The following IFT172 variants were observed in gnomAD, a reference collection of about 807,000 sequenced individuals.
The protein encoded by IFT172 is intraflagellar transport 172.
IFT172 carries 164 observed loss-of-function variants against 248.9 expected under a neutral mutation model. That is an observed-to-expected ratio of 0.66 (90% CI 0.58 to 0.75). IFT172 has a LOEUF of 0.75. Among genes scored for constraint, IFT172 ranks in the 30% least tolerant of loss-of-function variants. IFT172 has a pLI of 0.00. For missense variants in IFT172, 1,950 were observed against 2,192.4 expected, an observed-to-expected ratio of 0.89 and a Z score of 2.21; for synonymous variants, 729 against 791.6, an observed-to-expected ratio of 0.92 and a Z score of 1.33.
At position 27,459,535 on chromosome 2, in the gene IFT172, G is replaced by T; in HGVS notation, c.2643-13C>A. On this transcript the variant is annotated splice_polypyrimidine_tract_variant and intron_variant, in intron 24 of 47. Transcript: ENST00000260570. ...CTTAATGGAGCACCTGGCAAAGTTG[G>T]GAAAGATATAAATATGTAGGATGAA... 6.2e-7 allele frequency: 1 copy of T among 1,613,802 alleles called. No homozygotes were observed.
rs1333735469 is a variant in IFT172 at position 27,454,156 on chromosome 2, G to A, written c.3537C>T (p.Val1179=). The A allele has an allele frequency of 1.2e-6, 2 of 1,611,900 alleles. No homozygotes were observed. The highest frequency in any genetic ancestry group is 1.7e-6 in the Non-Finnish European group (2 of 1,178,826). Residue 1179 remains valine (V), a synonymous_variant, in exon 33 of 48, where the codon GTC becomes GTT. Coordinates refer to ENST00000260570, the MANE Select transcript of IFT172 (RefSeq NM_015662.3). The surrounding 1 kb of genome is among the most constrained non-coding windows in gnomAD (Gnocchi z 4.2). ...GAGCTGCCTCCCAATCCTGGTTATG[G>A]ACAAACCTGCCTCCAGGTGGGGACA... ...GKPKEAVLMF[V]HNQDWEAAQR...
intron 18 of IFT172, among the ~76,000 whole-genome samples, chr2:27,463,783 G>A (rs185104185): frequency 1.5e-4 from 23 of 152,128 alleles, no homozygotes; most frequent in Admixed American, 1.2e-3. Flanking sequence ...CCTGGAGAGC[G>A]AACAGCTAGT....
In IFT172 at chr2:27,445,723, T is replaced by A; in HGVS notation, c.4914+22A>T. ...CACTCACACTGGTGAGGCCTTCCGG[T>A]TTTCCAACCCTGTGCCCTTACCGGT... On this transcript the variant is annotated intron_variant, in intron 45 of 47. Transcript: ENST00000260570. The surrounding 1 kb of genome is among the most constrained non-coding windows in gnomAD (Gnocchi z 4.4). 1.2e-6 allele frequency: 2 copies of A among 1,613,866 alleles called. No homozygotes were observed. Among genetic ancestry groups the A allele is most frequent in the Non-Finnish European group, 1.7e-6 (2 of 1,179,830 alleles).
chr2:27,467,590 G>A (rs1490036193), intron 16 of IFT172, among the ~76,000 whole-genome samples: 8 of 119,242 alleles, frequency 6.7e-5, no homozygotes, highest in African/African-American at 2.0e-4. Context: ...CCAGCATGGC[G>A]CAACAGAATG....
chr2:27,479,796 G>A lies in IFT172; in HGVS notation c.910-192C>T, dbSNP rs79593977. Among the ~76,000 whole-genome samples the A allele has an allele frequency of 4.8e-3, 734 of 152,314 alleles. 2 individuals carry two copies. The highest frequency in any genetic ancestry group is 9.1e-3 in the Non-Finnish European group (621 of 68,018). ...GGACTCAAGGGCACAACATATTAATGGGATAAAAGGGAAAAACTAGCCCTG... is the reference window on the plus strand; with the variant it reads ...GGACTCAAGGGCACAACATATTAATAGGATAAAAGGGAAAAACTAGCCCTG... On this transcript the variant is annotated intron_variant, in intron 9 of 47. Transcript: ENST00000260570.
At chr2:27,449,078 G>T in intron 39 of IFT172, 47 bp from the exon 40 acceptor site, 2 of 1,214,568 alleles carry the variant, frequency 1.6e-6, no homozygotes, top group South Asian at 1.2e-5. Flanking sequence ...GGATCGGCAA[G>T]ACCAAGCAGT....
intron 30 of IFT172, chr2:27,455,376 TC>T: frequency 3.5e-6 from 1 of 281,806 alleles, no homozygotes; most frequent in African/African-American, 2.3e-5. Context: ...TGTAGAGTGA[TC>T]AGCCCCAGAT....
At chr2:27,478,988 C>T (rs1271090511) in intron 10 of IFT172, among the ~76,000 whole-genome samples, 1 of 152,124 alleles carries the variant, frequency 6.6e-6, no homozygotes, top group Non-Finnish European at 1.5e-5. Flanking sequence ...CTCTGCACAC[C>T]TTATGCCTGG....
In IFT172 at chr2:27,445,192, A is replaced by G; in HGVS notation, c.5069-87T>C. 1 of 1,592,096 alleles carries G rather than the reference A, an allele frequency of 6.3e-7. No individual in the cohort carries two copies. The highest frequency in any genetic ancestry group is 1.3e-5 in the African/African-American group (1 of 74,352). On this transcript the variant is annotated intron_variant, in intron 46 of 47. Coordinates refer to ENST00000260570, the MANE Select transcript of IFT172 (RefSeq NM_015662.3). This position sits in a 1 kb window ranked among gnomAD's most constrained non-coding sequence, Gnocchi z 4.4. ...GAGCAGCCTGGGGGGTAGAAAGCACAGTCCTGTCTTTTGTACCCTTTACTG... is the reference window on the plus strand; with the variant it reads ...GAGCAGCCTGGGGGGTAGAAAGCACGGTCCTGTCTTTTGTACCCTTTACTG...
chr2:27,462,964 AC>A (rs1352290293), intron 19 of IFT172, 132 bp downstream of exon 19: 1 of 1,171,780 alleles, frequency 8.5e-7, no homozygotes, highest in Non-Finnish European at 1.2e-6. Flanking sequence ...AAATGGTCTG[AC>A]TTGAGGGTAA....
At chr2:27,446,220 C>G (rs1312780995) in intron 43 of IFT172, 40 bp downstream of exon 43, 2 of 1,592,348 alleles carry the variant, frequency 1.3e-6, no homozygotes, top group Non-Finnish European at 1.7e-6. Context: ...CAACCTTTAA[C>G]TTCCTCCTAT....
rs1279591885 is a variant in IFT172 at position 27,465,680 on chromosome 2, C to G, written c.1829+66G>C. ...AGTGCTGGCCAGTTTTACACCCCAC[C>G]CCAGGTCCTCCCCTCTCAGAACCAG... On this transcript the variant is annotated intron_variant, in intron 17 of 47. Transcript: ENST00000260570. 15 of 1,603,988 alleles carry G rather than the reference C, an allele frequency of 9.4e-6. No individual in the cohort carries two copies. The East Asian group carries it at 2.9e-4, about 31-fold the overall frequency.
chr2:27,447,625 G>C lies in IFT172; in HGVS notation c.4549C>G (p.Leu1517Val). Reference protein sequence around the residue: ...RDVLFNLCENLVKSSEANSPA... With the variant: ...RDVLFNLCENVVKSSEANSPA... ...GAGTTTGCCTCACTGGACTTCACCA[G>C]GTTTTCACACTAGAGGAGGGAGACA... The change falls in exon 42 of 48, where the codon CTG (leucine) becomes GTG (valine). Residue 1517 changes from leucine to valine, a missense_variant. By Grantham distance (32) the Leu-to-Val change is conservative. This residue lies in a region of IFT172 where 620 missense variants were observed against 699.0 expected (regional missense o/e 0.89). Coordinates refer to ENST00000260570, the MANE Select transcript of IFT172 (RefSeq NM_015662.3). 6.2e-7 allele frequency: 1 copy of C among 1,614,170 alleles called. No individual in the cohort carries two copies. Among genetic ancestry groups the C allele is most frequent in the Non-Finnish European group, 8.5e-7 (1 of 1,180,030 alleles).
At chr2:27,446,769 G>A (rs1325253081) in intron 42 of IFT172, among the ~76,000 whole-genome samples, 3 of 133,796 alleles carry the variant, frequency 2.2e-5, no homozygotes, top group Non-Finnish European at 3.1e-5. Flanking sequence ...GCGCAATCTC[G>A]GCTCACTGCA....
chr2:27,465,593 G>A, intron 17 of IFT172, 75 bp from the exon 18 acceptor site: 1 of 1,540,068 alleles, frequency 6.5e-7, no homozygotes, highest in Non-Finnish European at 9.0e-7. Context: ...TGGTGATGGG[G>A]CAAGGGGAGG....
chr2:27,483,909 G>A lies in IFT172; in HGVS notation c.365C>T (p.Ala122Val). The A allele has an allele frequency of 1.2e-6, 2 of 1,613,872 alleles. No individual in the cohort carries two copies. Among genetic ancestry groups the A allele is most frequent in the Non-Finnish European group, 1.7e-6 (2 of 1,179,856 alleles). ...TSAVTCLQWP[A>V]EYIIVFGLAE... ...CAGTCCAAAGACAATGATGTATTCTGCCGGCCATTGCAGACAAGTGACAGC... is the reference window on the plus strand; with the variant it reads ...CAGTCCAAAGACAATGATGTATTCTACCGGCCATTGCAGACAAGTGACAGC... Residue 122 changes from alanine to valine, a missense_variant, in exon 5 of 48, where the codon GCA becomes GTA. By Grantham distance (64) the Ala-to-Val change is moderately conservative. Transcript: ENST00000260570.
At chr2:27,485,616 T>G in intron 1 of IFT172, 113 bp from the exon 2 acceptor site, 1 of 1,265,898 alleles carries the variant, frequency 7.9e-7, no homozygotes, top group Non-Finnish European at 1.1e-6. Flanking sequence ...CTGTCACGGT[T>G]CTATCCTCAA....
chr2:27,472,084 T>C, intron 15 of IFT172, 166 bp downstream of exon 15: 1 of 619,454 alleles, frequency 1.6e-6, no homozygotes, highest in Middle Eastern at 4.4e-4. Context: ...TTGCTATCAG[T>C]TTTGGTATCA....
At chr2:27,457,592 G>A (rs754702210) in intron 29 of IFT172, 47 bp downstream of exon 29, 5 of 1,519,866 alleles carry the variant, frequency 3.3e-6, no homozygotes, top group South Asian at 1.1e-5. Context: ...GGAAAAACGT[G>A]GGAAAGAAGG....
Sources: gnomAD v4.1 joint callset for allele counts (sites outside exome capture counted in the v4.1 genomes callset) on GRCh38, gnomAD v4.1.1 for gene constraint, gnomAD v4.1.1 regional missense constraint, Gnocchi (gnomAD v3.1) non-coding constraint, MANE v1.5 for transcripts, NCBI Gene and HGNC (gene_info 2026-07-23, HGNC 2026-07-21) for gene names.